ARL6IP6: variants seen among roughly 807,000 people sequenced by gnomAD.
ARL6IP6 encodes the protein ARF like GTPase 6 interacting protein 6.
In ARL6IP6, 22 loss-of-function variants were observed where a neutral mutation model predicts 21.5. The ratio of observed to expected loss-of-function variants is 1.02; its 90% CI spans 0.73 to 1.46. ARL6IP6 has a LOEUF of 1.46. Among genes scored for constraint, ARL6IP6 ranks in the 40% most tolerant of loss-of-function variants. The pLI is 0.00. For missense variants in ARL6IP6, 388 were observed against 299.8 expected (o/e 1.29, Z -2.17); for synonymous variants, 164 against 125.3 (o/e 1.31, Z -2.06).
chr2:152,723,966 AAGAAAGTGT>A (rs1699912093), intron 2 of ARL6IP6, among the ~76,000 whole-genome samples: 1 of 142,882 alleles, frequency 7.0e-6, no homozygotes, highest in Non-Finnish European at 1.5e-5. Flanking sequence ...ATACTCTATT[AAGAAAGTGT>A]TACAGTGCTA....
intron 2 of ARL6IP6, among the ~76,000 whole-genome samples, chr2:152,721,093 G>GA (rs1699768706): frequency 6.6e-6 from 1 of 152,104 alleles, no homozygotes; most frequent in South Asian, 2.1e-4. Flanking sequence ...GACCCTGTCT[G>GA]AAACAATAAT....
At chr2:152,759,241 TATTA>T (rs1701722738) in intron 3 of ARL6IP6, among the ~76,000 whole-genome samples, 1 of 152,202 alleles carries the variant, frequency 6.6e-6, no homozygotes, top group African/African-American at 2.4e-5. Flanking sequence ...TTAAGTAACC[TATTA>T]GAATGATAGC....
intron 2 of ARL6IP6, chr2:152,732,509 C>CTT: frequency 2.7e-5 from 11 of 406,684 alleles, no homozygotes; most frequent in South Asian, 3.9e-5. Flanking sequence ...GATTGCTGGT[C>CTT]TTTTTTTTTA....
At position 152,718,859 on chromosome 2, in the gene ARL6IP6, G is replaced by C; in HGVS notation, c.235G>C (p.Gly79Arg). The C allele has an allele frequency of 1.2e-6, 2 of 1,613,320 alleles. No individual in the cohort carries two copies. Among genetic ancestry groups the C allele is most frequent in the Non-Finnish European group, 1.7e-6 (2 of 1,179,598 alleles). ...KRSVLPPDGNGSPVLPDKRNG... is the reference protein window; with the variant it reads ...KRSVLPPDGNRSPVLPDKRNG... ...CTCGGTGCTCCCGCCGGACGGGAAC[G>C]GGTCGCCCGTTCTGCCCGATAAGCG... Residue 79 changes from glycine (G) to arginine (R), a missense_variant, in exon 1 of 4, where the codon GGG (glycine) becomes CGG (arginine). Physicochemically the swap from Gly to Arg is moderately radical, Grantham distance 125. Coordinates refer to ENST00000326446, the MANE Select transcript of ARL6IP6 (RefSeq NM_152522.7).
intron 2 of ARL6IP6, among the ~76,000 whole-genome samples, chr2:152,732,997 A>G (rs1191664036): frequency 6.6e-6 from 1 of 151,954 alleles, no homozygotes; most frequent in Non-Finnish European, 1.5e-5. Context: ...TGTGTCTTAT[A>G]TGAGTCTTGA....
chr2:152,718,565 A>T, upstream of ARL6IP6: 1 of 1,485,416 alleles, frequency 6.7e-7, no homozygotes, highest in Non-Finnish European at 8.9e-7. Flanking sequence ...GCTGTTGCGG[A>T]CCCGGGGCGG....
intron 3 of ARL6IP6, among the ~76,000 whole-genome samples, chr2:152,738,392 T>C (rs1700646325): frequency 1.3e-5 from 2 of 152,198 alleles, no homozygotes; most frequent in Non-Finnish European, 2.9e-5. Context: ...GGACTTTGTG[T>C]GGGGGCTCCC....
intron 2 of ARL6IP6, among the ~76,000 whole-genome samples, chr2:152,734,298 C>A (rs996575410): frequency 6.6e-6 from 1 of 152,110 alleles, no homozygotes; most frequent in Non-Finnish European, 1.5e-5. Flanking sequence ...CAGGAGTCAA[C>A]TTTTGTTCAT....
At chr2:152,742,570 TAAA>T (rs71396304) in intron 3 of ARL6IP6, among the ~76,000 whole-genome samples, 9 of 115,976 alleles carry the variant, frequency 7.8e-5, no homozygotes, top group Admixed American at 9.5e-5. Flanking sequence ...ATACGCTCTT[TAAA>T]AAAAAAAAAA....
chr2:152,734,525 C>CT (rs1392420656), intron 2 of ARL6IP6, among the ~76,000 whole-genome samples: 1 of 152,116 alleles, frequency 6.6e-6, no homozygotes, highest in Non-Finnish European at 1.5e-5. Context: ...GGGTTTCACT[C>CT]TGTCTCCCAG....
intron 2 of ARL6IP6, chr2:152,732,594 A>T (rs898902103): frequency 6.8e-6 from 3 of 443,530 alleles, no homozygotes; most frequent in African/African-American, 2.1e-5. Flanking sequence ...TGTTTTATTT[A>T]AAAATTTTTT....
chr2:152,741,841 C>T (rs1700824874), intron 3 of ARL6IP6, among the ~76,000 whole-genome samples: 1 of 152,158 alleles, frequency 6.6e-6, no homozygotes, highest in Non-Finnish European at 1.5e-5. Context: ...TGCAATATCA[C>T]ATATATAAAC....
intron 2 of ARL6IP6, among the ~76,000 whole-genome samples, chr2:152,730,182 T>C (rs1700243968): frequency 6.6e-6 from 1 of 152,172 alleles, no homozygotes; most frequent in Non-Finnish European, 1.5e-5. Flanking sequence ...ACTTAGATTG[T>C]GGAATAGTAA....
intron 2 of ARL6IP6, among the ~76,000 whole-genome samples, chr2:152,731,095 T>G (rs917154603): frequency 6.6e-6 from 1 of 152,230 alleles, no homozygotes; most frequent in African/African-American, 2.4e-5. Context: ...ATTGTGTTTA[T>G]CCACACTCCT....
At chr2:152,724,985 G>A (rs1007490744) in intron 2 of ARL6IP6, among the ~76,000 whole-genome samples, 11 of 152,026 alleles carry the variant, frequency 7.2e-5, no homozygotes, top group African/African-American at 1.9e-4. Context: ...CTACTGAATC[G>A]AAGTAACTTA....
At chr2:152,746,871 C>T (rs1260905464) in intron 3 of ARL6IP6, among the ~76,000 whole-genome samples, 1 of 130,684 alleles carries the variant, frequency 7.7e-6, no homozygotes, top group Non-Finnish European at 1.6e-5. Flanking sequence ...TGCCCCAGGC[C>T]GAAGTGCAGA....
At chr2:152,742,984 TTCA>T (rs1574050971) in intron 3 of ARL6IP6, among the ~76,000 whole-genome samples, 1 of 152,366 alleles carries the variant, frequency 6.6e-6, no homozygotes, top group Non-Finnish European at 1.5e-5. Flanking sequence ...CATTATGAAA[TTCA>T]TCATCAATAG....
At chr2:152,732,975 T>C (rs1700390727) in intron 2 of ARL6IP6, among the ~76,000 whole-genome samples, 1 of 152,140 alleles carries the variant, frequency 6.6e-6, no homozygotes, top group South Asian at 2.1e-4. Context: ...TGACTGTATA[T>C]AGTTGAAATT....
intron 3 of ARL6IP6, among the ~76,000 whole-genome samples, chr2:152,751,707 A>T (rs1424135318): frequency 1.3e-5 from 2 of 149,312 alleles, no homozygotes; most frequent in African/African-American, 4.9e-5. Flanking sequence ...ACAGTATTTC[A>T]TTTTTTTTTA....
Sources: gnomAD v4.1 joint callset for allele counts (sites outside exome capture counted in the v4.1 genomes callset) on GRCh38, gnomAD v4.1.1 for gene constraint, MANE v1.5 for transcripts, NCBI Gene and HGNC (gene_info 2026-07-23, HGNC 2026-07-21) for gene names.